TCF20: variants seen among roughly 807,000 people sequenced by gnomAD.
TCF20 encodes transcription factor 20, also known as SPRE-binding protein.
TCF20 carries 3 observed loss-of-function variants against 148.6 expected under a neutral mutation model. The ratio of observed to expected loss-of-function variants is 0.02; its 90% CI spans 0.01 to 0.05. The LOEUF (loss-of-function observed/expected upper bound fraction) is 0.05. Among genes scored for constraint, TCF20 ranks in the 10% least tolerant of loss-of-function variants. TCF20 has a pLI of 1.00. For missense variants in TCF20, 2,350 were observed against 2,429.3 expected (o/e 0.97, Z 0.69); for synonymous variants, 1,049 against 909.5 (o/e 1.15, Z -2.76).
chr22:42,293,049 G>T (rs1927162143), intron 1 of TCF20, among the ~76,000 whole-genome samples: 1 of 152,060 alleles, frequency 6.6e-6, no homozygotes, highest in Non-Finnish European at 1.5e-5. Flanking sequence ...AAGCCCCGGG[G>T]CCAGCTCCCA....
At chr22:42,254,461 T>C (rs1447586583) in intron 1 of TCF20, among the ~76,000 whole-genome samples, 1 of 152,244 alleles carries the variant, frequency 6.6e-6, no homozygotes, top group African/African-American at 2.4e-5. Context: ...CCAGGGTGCC[T>C]GTGGTATCAT....
intron 5 of TCF20, among the ~76,000 whole-genome samples, chr22:42,166,663 A>C (rs2089641983): frequency 6.6e-6 from 1 of 151,974 alleles, no homozygotes; most frequent in Admixed American, 6.5e-5. Flanking sequence ...GGAAGGCCCA[A>C]GAATGACTAG....
intron 1 of TCF20, among the ~76,000 whole-genome samples, chr22:42,232,551 G>A (rs1282058513): frequency 1.3e-5 from 2 of 152,162 alleles, no homozygotes; most frequent in Non-Finnish European, 2.9e-5. Context: ...CGATCGGCCG[G>A]GCGCAGTGGC....
At chr22:42,302,467 C>T (rs1414518859) in intron 1 of TCF20, among the ~76,000 whole-genome samples, 1 of 152,190 alleles carries the variant, frequency 6.6e-6, no homozygotes, top group Non-Finnish European at 1.5e-5. Flanking sequence ...CCACTGGCCT[C>T]CAAGCCATGC....
chr22:42,330,184 G>A lies in TCF20; in HGVS notation c.-37+13295C>T, dbSNP rs570253095. On this transcript the variant is annotated intron_variant, in intron 1 of 1. Transcript: ENST00000515426. ...AGGCTGGAGGCTGCAGAGGCCTGGA[G>A]GGCACTGCCTTCTATGCTGTGGGTC... is the stretch of plus-strand genomic sequence containing the variant. Among the ~76,000 whole-genome samples the A allele has an allele frequency of 2.0e-5, 3 of 152,332 alleles. No individual in the cohort carries two copies. In the South Asian group the frequency reaches 6.2e-4, roughly 32 times the overall value.
At chr22:42,302,184 G>C (rs745821129) in intron 1 of TCF20, among the ~76,000 whole-genome samples, 1 of 152,170 alleles carries the variant, frequency 6.6e-6, no homozygotes, top group African/African-American at 2.4e-5. Context: ...GGGCACTATC[G>C]GGTGTTGAGT....
chr22:42,237,325 AC>A (rs1923977862), intron 1 of TCF20, among the ~76,000 whole-genome samples: 1 of 151,700 alleles, frequency 6.6e-6, no homozygotes, highest in South Asian at 2.1e-4. Context: ...ATAAGCAGCA[AC>A]TCCTCATCTG....
chr22:42,294,011 T>C (rs1284328263), intron 1 of TCF20, among the ~76,000 whole-genome samples: 1 of 152,166 alleles, frequency 6.6e-6, no homozygotes, highest in East Asian at 1.9e-4. Flanking sequence ...AAGAACGCCC[T>C]CAGCTGCCCA....
intron 1 of TCF20, among the ~76,000 whole-genome samples, chr22:42,323,762 C>G (rs192536901): frequency 6.6e-6 from 1 of 150,962 alleles, no homozygotes; most frequent in Admixed American, 6.6e-5. Context: ...ATCTGTAAAA[C>G]GGGGATGACA....
chr22:42,270,669 G>T (rs1241105102), upstream of TCF20, among the ~76,000 whole-genome samples: 1 of 143,438 alleles, frequency 7.0e-6, no homozygotes, highest in African/African-American at 2.5e-5. Context: ...GTCAGGTGAC[G>T]GCGCGCGGCC....
At chr22:42,264,473 G>T (rs1257290247) in intron 1 of TCF20, among the ~76,000 whole-genome samples, 1 of 152,106 alleles carries the variant, frequency 6.6e-6, no homozygotes, top group Non-Finnish European at 1.5e-5. Context: ...TTTGAGCCAG[G>T]TCCCTATTCA....
At chr22:42,197,840 T>C (rs1016202383) in intron 2 of TCF20, among the ~76,000 whole-genome samples, 2 of 151,912 alleles carry the variant, frequency 1.3e-5, no homozygotes, top group Non-Finnish European at 2.9e-5. Flanking sequence ...ATAAAATAAA[T>C]GAAAAGGAAC....
At chr22:42,223,756 C>A (rs1250451774) in intron 1 of TCF20, among the ~76,000 whole-genome samples, 1 of 152,134 alleles carries the variant, frequency 6.6e-6, no homozygotes. Flanking sequence ...ATCTGTAACA[C>A]CTGTATCGTT....
intron 1 of TCF20, among the ~76,000 whole-genome samples, chr22:42,233,718 T>C (rs921609401): frequency 1.3e-5 from 2 of 152,208 alleles, no homozygotes; most frequent in Non-Finnish European, 2.9e-5. Context: ...AATGTAAAGG[T>C]AACAGATGAA....
At chr22:42,255,747 G>A (rs752512784) in intron 1 of TCF20, among the ~76,000 whole-genome samples, 6 of 151,838 alleles carry the variant, frequency 4.0e-5, no homozygotes, top group Non-Finnish European at 7.4e-5. Flanking sequence ...ATCTGTTTCC[G>A]GCCCTCCCCT....
intron 1 of TCF20, among the ~76,000 whole-genome samples, chr22:42,248,817 C>T (rs1349668072): frequency 6.6e-6 from 1 of 152,140 alleles, no homozygotes; most frequent in African/African-American, 2.4e-5. Flanking sequence ...TTGCTATTGT[C>T]ATTATCTGGA....
chr22:42,287,379 G>A (rs144720277), upstream of TCF20, among the ~76,000 whole-genome samples: 9 of 152,248 alleles, frequency 5.9e-5, 1 homozygote, highest in Admixed American at 2.6e-4. Context: ...CCCAGAGAAC[G>A]GAACTGAGTT....
intron 5 of TCF20, among the ~76,000 whole-genome samples, chr22:42,165,277 G>A (rs373706162): frequency 9.1e-4 from 138 of 152,350 alleles, no homozygotes; most frequent in African/African-American, 2.9e-3. Flanking sequence ...GCCACGCCCC[G>A]TTCCCTGCCT....
At chr22:42,165,243 A>G (rs1245001033) in intron 5 of TCF20, among the ~76,000 whole-genome samples, 2 of 152,222 alleles carry the variant, frequency 1.3e-5, no homozygotes, top group African/African-American at 4.8e-5. Flanking sequence ...GGACTGTGTG[A>G]TGTCCAGCTC....
Sources: gnomAD v4.1 joint callset for allele counts (sites outside exome capture counted in the v4.1 genomes callset) on GRCh38, gnomAD v4.1.1 for gene constraint, MANE v1.5 for transcripts, NCBI Gene and HGNC (gene_info 2026-07-23, HGNC 2026-07-21) for gene names.